RBMS3: variants seen among roughly 807,000 people sequenced by gnomAD.
RBMS3 encodes the protein RNA binding motif single stranded interacting protein 3, also known as RNA-binding motif, single-stranded-interacting protein 3.
Under a neutral mutation model 66.8 loss-of-function variants are expected in RBMS3, and 27 were observed. The ratio of observed to expected loss-of-function variants is 0.40; its 90% CI spans 0.30 to 0.56. RBMS3 has a LOEUF of 0.56. Among genes scored for constraint, RBMS3 ranks in the 20% least tolerant of loss-of-function variants. The pLI, the probability that RBMS3 is intolerant of heterozygous loss-of-function variation, is 0.40. For synonymous variants in RBMS3, 188 were observed against 183.0 expected (o/e 1.03, Z -0.22); for missense variants, 513 against 549.5 (o/e 0.93, Z 0.66).
chr3:29,558,029 G>C (rs2046419721), intron 3 of RBMS3, among the ~76,000 whole-genome samples: 1 of 152,132 alleles, frequency 6.6e-6, no homozygotes, highest in African/African-American at 2.4e-5. Context: ...ATGAAAAGAA[G>C]ACAGGATATG....
At chr3:29,594,050 A>G (rs1302465863) in intron 4 of RBMS3, among the ~76,000 whole-genome samples, 3 of 152,210 alleles carry the variant, frequency 2.0e-5, no homozygotes, top group Non-Finnish European at 2.9e-5. Context: ...AAATGAGAGG[A>G]GAAAACTATA....
At chr3:29,982,230 T>C (rs1698043246) in intron 12 of RBMS3, among the ~76,000 whole-genome samples, 1 of 152,208 alleles carries the variant, frequency 6.6e-6, no homozygotes, top group Non-Finnish European at 1.5e-5. Context: ...TATAGTATTA[T>C]CTGATTGTAG....
intron 1 of RBMS3, among the ~76,000 whole-genome samples, chr3:29,294,132 GA>G (rs1166909368): frequency 6.6e-6 from 1 of 151,794 alleles, no homozygotes; most frequent in Non-Finnish European, 1.5e-5. Flanking sequence ...AAGGTCATAA[GA>G]AAAGGTTTTC....
At chr3:29,401,995 T>C (rs6549937) in intron 1 of RBMS3, among the ~76,000 whole-genome samples, 6,519 of 152,132 alleles carry the variant, frequency 0.043, 269 homozygotes, top group African/African-American at 0.11. Context: ...AAGCTGCCGA[T>C]ACTGTAATTT....
intron 3 of RBMS3, among the ~76,000 whole-genome samples, chr3:29,582,367 G>T (rs531553707): frequency 3.3e-5 from 5 of 152,316 alleles, no homozygotes; most frequent in Admixed American, 2.0e-4. Context: ...CACAGAGCTG[G>T]TTCTTTCTCA....
chr3:29,592,157 G>C (rs2047761655), intron 4 of RBMS3, among the ~76,000 whole-genome samples: 1 of 150,850 alleles, frequency 6.6e-6, no homozygotes, highest in African/African-American at 2.4e-5. Flanking sequence ...CAAAATCAAG[G>C]AATATACAAA....
At chr3:29,842,963 G>T (rs561735588) in intron 6 of RBMS3, among the ~76,000 whole-genome samples, 1 of 152,288 alleles carries the variant, frequency 6.6e-6, no homozygotes, top group East Asian at 1.9e-4. Context: ...TAAGAGAATA[G>T]ATTTGTATTG....
chr3:30,002,497 TAG>T (rs1699656901), intron 14 of RBMS3, among the ~76,000 whole-genome samples: 2 of 152,064 alleles, frequency 1.3e-5, no homozygotes, highest in Admixed American at 1.3e-4. Context: ...TTTGCAAAGC[TAG>T]AGACAGTTAA....
chr3:29,495,612 G>T (rs1357601047), intron 3 of RBMS3, among the ~76,000 whole-genome samples: 2 of 151,406 alleles, frequency 1.3e-5, no homozygotes, highest in Non-Finnish European at 2.9e-5. Flanking sequence ...TAGAGACAAG[G>T]TTTCACCATG....
chr3:29,532,005 G>A lies in RBMS3; in HGVS notation c.307+43506G>A, dbSNP rs190674962. On this transcript the variant is annotated intron_variant, in intron 3 of 14. Transcript: ENST00000383767. ...AGTGTTCCTTGGAATAACAGAAACG[G>A]AGCCGTTCTAAGTCTTAGGAGGCTT... Among the ~76,000 whole-genome samples, 882 of 151,958 alleles carry A rather than the reference G, an allele frequency of 5.8e-3. 10 individuals are homozygous for A. Among genetic ancestry groups the A allele is most frequent in the African/African-American group, 0.02 (845 of 41,452 alleles).
At chr3:29,394,776 AC>A (rs1013517464) in intron 1 of RBMS3, among the ~76,000 whole-genome samples, 2 of 151,166 alleles carry the variant, frequency 1.3e-5, no homozygotes, top group South Asian at 2.1e-4. Flanking sequence ...CTTTCCAGGC[AC>A]CCCCCTGTCT....
At chr3:29,467,014 G>C (rs61292634) in intron 2 of RBMS3, among the ~76,000 whole-genome samples, 42,833 of 151,816 alleles carry the variant, frequency 0.28, 6,274 homozygotes, top group Admixed American at 0.4. Context: ...CTCTAAAATT[G>C]TTTGACCAAA....
intron 13 of RBMS3, among the ~76,000 whole-genome samples, chr3:29,989,801 G>C (rs1441467361): frequency 6.6e-6 from 1 of 151,958 alleles, no homozygotes; most frequent in Non-Finnish European, 1.5e-5. Flanking sequence ...CATGTTCTTT[G>C]GTATATTTAG....
intron 1 of RBMS3, among the ~76,000 whole-genome samples, chr3:29,325,645 TACAC>T (rs139930927): frequency 6.8e-5 from 10 of 146,796 alleles, no homozygotes; most frequent in South Asian, 2.2e-4. Flanking sequence ...TATATACACA[TACAC>T]ACACACACAC....
At chr3:29,842,480 C>T (rs555626896) in intron 6 of RBMS3, among the ~76,000 whole-genome samples, 22 of 152,128 alleles carry the variant, frequency 1.4e-4, no homozygotes, top group South Asian at 4.2e-4. Context: ...GCTCAATAAA[C>T]GTTTATTGAA....
chr3:29,605,688 A>G (rs1021071688), intron 4 of RBMS3, among the ~76,000 whole-genome samples: 4 of 151,930 alleles, frequency 2.6e-5, no homozygotes, highest in Admixed American at 6.6e-5. Flanking sequence ...TGACTTTGGC[A>G]GTTCAGATTC....
At chr3:29,731,140 A>G (rs2054114870) in intron 4 of RBMS3, 1 of 566,016 alleles carries the variant, frequency 1.8e-6, no homozygotes, top group African/African-American at 2.0e-5. Context: ...CTAAATGATC[A>G]GTGGTTCAAC....
At chr3:29,714,170 C>A (rs2053292411) in intron 4 of RBMS3, among the ~76,000 whole-genome samples, 1 of 140,062 alleles carries the variant, frequency 7.1e-6, no homozygotes, top group Non-Finnish European at 1.6e-5. Flanking sequence ...ATGAACAAAG[C>A]AGGCAATAAT....
At chr3:29,818,004 G>T (rs976288539) in intron 6 of RBMS3, among the ~76,000 whole-genome samples, 6 of 151,928 alleles carry the variant, frequency 3.9e-5, no homozygotes, top group African/African-American at 1.2e-4. Context: ...ATAACAAATT[G>T]TCCTTAACAC....
Sources: allele counts gnomAD v4.1 joint callset (sites outside exome capture counted in the v4.1 genomes callset), GRCh38; gene constraint gnomAD v4.1.1; transcripts MANE v1.5; gene names NCBI Gene and HGNC (gene_info 2026-07-23, HGNC 2026-07-21).